The following MNAT1 variants were observed in gnomAD, a reference collection of about 807,000 sequenced individuals.
MNAT1 encodes MNAT1 component of CDK activating kinase.
A neutral mutation model predicts 42.0 loss-of-function variants in MNAT1; 43 were observed. The observed-to-expected ratio is 1.02, with a 90% CI of 0.80 to 1.32. The LOEUF is 1.32. Among genes scored for constraint, MNAT1 ranks in the 40% most tolerant of loss-of-function variants. The probability of loss-of-function intolerance (pLI) is 0.00; values close to 1 mark genes in which losing one functional copy is unlikely to be tolerated. For synonymous variants in MNAT1, 118 were observed against 120.0 expected, an observed-to-expected ratio of 0.98 and a Z score of 0.11; for missense variants, 306 against 350.4, an observed-to-expected ratio of 0.87 and a Z score of 1.01.
chr14:60,768,294 T>A (rs181382100), intron 1 of MNAT1, among the ~76,000 whole-genome samples: 97 of 152,350 alleles, frequency 6.4e-4, no homozygotes, highest in East Asian at 4.8e-3. Flanking sequence ...AGCTCCGGAA[T>A]GTGTCTGCTC....
chr14:60,879,599 C>A, intron 6 of MNAT1, 115 bp from the exon 7 acceptor site: 1 of 1,018,390 alleles, frequency 9.8e-7, no homozygotes, highest in Non-Finnish European at 1.4e-6. Flanking sequence ...AACAGCACAA[C>A]TAATGGCTAA....
At chr14:60,891,609 T>C (rs2034845473) in intron 7 of MNAT1, among the ~76,000 whole-genome samples, 2 of 151,988 alleles carry the variant, frequency 1.3e-5, no homozygotes, top group Non-Finnish European at 2.9e-5. Context: ...GCACCACCAT[T>C]CCTGGCTAAT....
chr14:60,846,052 T>C (rs1308627745), intron 6 of MNAT1, among the ~76,000 whole-genome samples: 1 of 152,146 alleles, frequency 6.6e-6, no homozygotes, highest in Non-Finnish European at 1.5e-5. Flanking sequence ...ATTTCTTTAC[T>C]AATAATAAGC....
intron 6 of MNAT1, among the ~76,000 whole-genome samples, chr14:60,826,034 G>T (rs558369196): frequency 2.6e-5 from 4 of 152,004 alleles, no homozygotes; most frequent in Non-Finnish European, 5.9e-5. Flanking sequence ...AAAGTTGAAG[G>T]GTTCAAAATG....
At chr14:60,750,787 C>T (rs1285516118) in intron 1 of MNAT1, among the ~76,000 whole-genome samples, 1 of 152,066 alleles carries the variant, frequency 6.6e-6, no homozygotes, top group Non-Finnish European at 1.5e-5. Flanking sequence ...AAGTTAGCAT[C>T]AGGGGAACAA....
At chr14:60,769,924 C>G (rs1323920559) in intron 1 of MNAT1, among the ~76,000 whole-genome samples, 4 of 152,138 alleles carry the variant, frequency 2.6e-5, no homozygotes, top group Non-Finnish European at 5.9e-5. Flanking sequence ...CTTGGCCTCC[C>G]AAAGCACTGG....
chr14:60,797,988 A>G, intron 2 of MNAT1, 99 bp from the exon 3 acceptor site: 1 of 600,510 alleles, frequency 1.7e-6, no homozygotes, highest in Non-Finnish European at 3.0e-6. Flanking sequence ...ATTCTTTTCC[A>G]TGTATCATAT....
intron 1 of MNAT1, among the ~76,000 whole-genome samples, chr14:60,787,094 C>T (rs2031675168): frequency 6.6e-6 from 1 of 152,160 alleles, no homozygotes; most frequent in African/African-American, 2.4e-5. Context: ...GTCCTGAATG[C>T]TCCTGTGGCC....
At chr14:60,846,015 A>C (rs2033673244) in intron 6 of MNAT1, among the ~76,000 whole-genome samples, 1 of 152,074 alleles carries the variant, frequency 6.6e-6, no homozygotes, top group Non-Finnish European at 1.5e-5. Context: ...GCTTTTATTA[A>C]TGAGAGGATT....
chr14:60,915,336 A>G (rs1453304974), intron 7 of MNAT1, among the ~76,000 whole-genome samples: 1 of 152,176 alleles, frequency 6.6e-6, no homozygotes, highest in Non-Finnish European at 1.5e-5. Context: ...TAATGCAATT[A>G]TATTACGTTT....
chr14:60,913,804 T>C (rs1002815887), intron 7 of MNAT1, among the ~76,000 whole-genome samples: 1 of 152,324 alleles, frequency 6.6e-6, no homozygotes, highest in Middle Eastern at 3.4e-3. Flanking sequence ...AGTCTGTCGG[T>C]GTTCAGATCT....
chr14:60,751,865 T>C (rs1023953701), intron 1 of MNAT1, among the ~76,000 whole-genome samples: 4 of 152,082 alleles, frequency 2.6e-5, no homozygotes, highest in African/African-American at 9.6e-5. Context: ...TGAAAATCAA[T>C]GAAGCCTCCA....
intron 6 of MNAT1, among the ~76,000 whole-genome samples, chr14:60,819,790 A>C (rs2032825855): frequency 6.6e-6 from 1 of 152,120 alleles, no homozygotes; most frequent in Non-Finnish European, 1.5e-5. Context: ...ACATGAACAA[A>C]TTACTTTGCC....
chr14:60,737,957 TCCTG>T (rs1896353944), intron 1 of MNAT1, among the ~76,000 whole-genome samples: 1 of 151,360 alleles, frequency 6.6e-6, no homozygotes, highest in African/African-American at 2.4e-5. Context: ...CACGCCATTG[TCCTG>T]CCTCAGCCTC....
intron 7 of MNAT1, among the ~76,000 whole-genome samples, chr14:60,944,430 C>A (rs563905534): frequency 6.6e-6 from 1 of 152,310 alleles, no homozygotes; most frequent in South Asian, 2.1e-4. Flanking sequence ...CGTGAGGACA[C>A]AGATAGAAGG....
chr14:60,762,501 T>A (rs1323719391), intron 1 of MNAT1, among the ~76,000 whole-genome samples: 2 of 151,894 alleles, frequency 1.3e-5, no homozygotes, highest in African/African-American at 4.8e-5. Context: ...CCCACTAATG[T>A]CATCTCTACT....
chr14:60,832,977 T>C (rs930634038), intron 6 of MNAT1, among the ~76,000 whole-genome samples: 3 of 152,166 alleles, frequency 2.0e-5, no homozygotes, highest in African/African-American at 7.2e-5. Context: ...GGCTCTCTGC[T>C]TGTCTATTGT....
At chr14:60,968,009 C>T (rs1467468660) in intron 7 of MNAT1, among the ~76,000 whole-genome samples, 3 of 152,054 alleles carry the variant, frequency 2.0e-5, no homozygotes, top group Admixed American at 6.5e-5. Context: ...TTTTAGACCC[C>T]GTGGTAATTT....
intron 5 of MNAT1, among the ~76,000 whole-genome samples, chr14:60,813,430 G>GT (rs1428253418): frequency 6.6e-6 from 1 of 152,186 alleles, no homozygotes; most frequent in East Asian, 1.9e-4. Context: ...ATCAATTTCT[G>GT]TAACAGTGTG....
Sources: gnomAD v4.1 joint callset for allele counts (sites outside exome capture counted in the v4.1 genomes callset) on GRCh38, gnomAD v4.1.1 for gene constraint, MANE v1.5 for transcripts, NCBI Gene and HGNC (gene_info 2026-07-23, HGNC 2026-07-21) for gene names.